The following CHRNA9 variants were observed in gnomAD, a reference collection of about 807,000 sequenced individuals.
CHRNA9 encodes neuronal acetylcholine receptor subunit alpha-9.
A neutral mutation model predicts 36.8 loss-of-function variants in CHRNA9; 24 were observed. That is an observed-to-expected ratio of 0.65 (90% confidence interval 0.47 to 0.92). The LOEUF (loss-of-function observed/expected upper bound fraction) is 0.92, where lower values mean the gene tolerates loss of function less well. Ranked by LOEUF, CHRNA9 falls within the 40% of genes least tolerant of loss-of-function variation. The pLI, the probability that CHRNA9 is intolerant of heterozygous loss-of-function variation, is 0.00. For missense variants in CHRNA9, 610 were observed against 601.2 expected (o/e 1.01, Z -0.15); for synonymous variants, 231 against 231.8 (o/e 1.00, Z 0.03).
At chr4:40,353,659 T>G (rs1352378002) in intron 4 of CHRNA9, among the ~76,000 whole-genome samples, 1 of 152,242 alleles carries the variant, frequency 6.6e-6, no homozygotes, top group African/African-American at 2.4e-5. Flanking sequence ...ATGTCAATTT[T>G]TACTTTATCT....
At chr4:40,346,987 T>A (rs1036674833) in intron 3 of CHRNA9, among the ~76,000 whole-genome samples, 1 of 151,892 alleles carries the variant, frequency 6.6e-6, no homozygotes, top group Non-Finnish European at 1.5e-5. Context: ...ATTTTTGTAT[T>A]TTTTTAGTAG....
At position 40,337,267 on chromosome 4, in the gene CHRNA9, G is replaced by A; in HGVS notation, c.268G>A (p.Ala90Thr). 6.2e-7 allele frequency: 1 copy of A among 1,614,152 alleles called. No homozygotes were observed. Among genetic ancestry groups the A allele is most frequent in the South Asian group, 1.1e-5 (1 of 91,076 alleles). Residue 90 changes from alanine to threonine, a missense_variant, in exon 3 of 5, where the codon GCC (alanine) becomes ACC (threonine). Ala to Thr is a moderately conservative substitution (Grantham distance 58, BLOSUM62 0). Coordinates refer to ENST00000310169, the MANE Select transcript of CHRNA9 (RefSeq NM_017581.4). ...GTGGATCCGCCAAATCTGGCACGAT[G>A]CCTATCTCACGTGGGACCGAGATCA... ...YLWIRQIWHD[A>T]YLTWDRDQYD...
chr4:40,351,398 AC>A (rs1187631784), intron 4 of CHRNA9, among the ~76,000 whole-genome samples: 1 of 151,052 alleles, frequency 6.6e-6, no homozygotes, highest in Non-Finnish European at 1.5e-5. Context: ...CTGGTCTTGA[AC>A]TCCTGGGCTC....
Position 40,335,821 on chromosome 4 carries a change from GA to G in CHRNA9, c.65-5del. The G allele has an allele frequency of 6.2e-7, 1 of 1,611,376 alleles. No individual in the cohort carries two copies. The highest frequency in any genetic ancestry group is 2.2e-5 in the East Asian group (1 of 44,890). On this transcript the variant is annotated splice_region_variant and splice_polypyrimidine_tract_variant and intron_variant, in intron 1 of 4. Transcript: ENST00000310169. ...AATGTTAATCCAGATCCCTCTTGTT[GA>G]GTAGCTGCAGAGACGGCAGATGGAA... is the stretch of plus-strand genomic sequence containing the variant.
chr4:40,340,334 T>G (rs2068873440), intron 3 of CHRNA9, among the ~76,000 whole-genome samples: 3 of 152,342 alleles, frequency 2.0e-5, no homozygotes, highest in African/African-American at 7.2e-5. Flanking sequence ...TCTGCTCCTC[T>G]CTTCTCTTTT....
In CHRNA9 at chr4:40,339,696, C is replaced by T. The variant is rs557752267; in HGVS notation, c.365+2332C>T. On this transcript the variant is annotated intron_variant, in intron 3 of 4. Transcript: ENST00000310169. Reference sequence around the variant, plus strand: ...AAAAAAAAAAAGGCGGGGTCTCACTCCTATCGCCCACGCTAGAGTGCAGTG... The same window carrying T: ...AAAAAAAAAAAGGCGGGGTCTCACTTCTATCGCCCACGCTAGAGTGCAGTG... Among the ~76,000 whole-genome samples the T allele has an allele frequency of 5.0e-4, 75 of 151,336 alleles. 1 individual carries two copies. In the South Asian group the frequency reaches 5.0e-3, roughly 10 times the overall value.
At chr4:40,349,552 T>G (rs1712737406) in intron 4 of CHRNA9, 138 bp downstream of exon 4, 1 of 787,956 alleles carries the variant, frequency 1.3e-6, no homozygotes, top group Non-Finnish European at 2.0e-6. Flanking sequence ...ATTTTTCTGG[T>G]GGTTGCAGTT....
intron 3 of CHRNA9, among the ~76,000 whole-genome samples, chr4:40,344,496 T>C (rs1190627084): frequency 6.6e-6 from 1 of 150,762 alleles, no homozygotes; most frequent in East Asian, 1.9e-4. Flanking sequence ...ATGGCACCAC[T>C]GCACCCCAGC....
At chr4:40,340,973 C>CAAAAAAAAAAAAAAAAAAAAAAAAAAAA (rs543449903) in intron 3 of CHRNA9, among the ~76,000 whole-genome samples, 1 of 64,968 alleles carries the variant, frequency 1.5e-5, no homozygotes, top group African/African-American at 4.4e-5. Flanking sequence ...ATAAGCTCTC[C>CAAAAAAAAAAAAAAAAAAAAAAAAAAAA]AAAAAAAAAA....
At chr4:40,348,353 A>G (rs183888464) in intron 3 of CHRNA9, among the ~76,000 whole-genome samples, 1 of 152,244 alleles carries the variant, frequency 6.6e-6, no homozygotes. Context: ...GCAAAAGAAG[A>G]TATATCTGGA....
At chr4:40,350,709 C>CACACACACACAG (rs1712775674) in intron 4 of CHRNA9, among the ~76,000 whole-genome samples, 1 of 151,300 alleles carries the variant, frequency 6.6e-6, no homozygotes, top group African/African-American at 2.4e-5. Flanking sequence ...CACACACACA[C>CACACACACACAG]ACACACACAC....
At position 40,354,514 on chromosome 4, in the gene CHRNA9, G is replaced by T. The variant is rs771890826; in HGVS notation, c.1434G>T (p.Ala478=). The change falls in exon 5 of 5, where the codon GCG becomes GCT. Residue 478 remains alanine (A), a synonymous_variant. Transcript: ENST00000310169. ...FVMTILIIAR[A]D The stretch of plus-strand genomic sequence containing the variant: ...TGACTATTTTGATCATAGCAAGAGC[G>T]GATTAGTCACAGATATTGGCTTTGC... 1 of 1,604,572 alleles carries T rather than the reference G, an allele frequency of 6.2e-7. No homozygotes were observed. Among genetic ancestry groups the T allele is most frequent in the Non-Finnish European group, 8.5e-7 (1 of 1,172,916 alleles).
At chr4:40,344,411 G>A (rs1245023755) in intron 3 of CHRNA9, among the ~76,000 whole-genome samples, 1 of 152,044 alleles carries the variant, frequency 6.6e-6, no homozygotes, top group Non-Finnish European at 1.5e-5. Context: ...GTGGGAGCCT[G>A]TAATCCCAGC....
rs567536994 is a variant in CHRNA9 at position 40,335,810 on chromosome 4, T to G, written c.65-17T>G. The G allele has an allele frequency of 6.2e-7, 1 of 1,608,174 alleles. No individual in the cohort carries two copies. The highest frequency in any genetic ancestry group is 1.1e-5 in the South Asian group (1 of 90,192). Reference sequence around the variant, plus strand: ...ACAACACTCTGAATGTTAATCCAGATCCCTCTTGTTGAGTAGCTGCAGAGA... The same window carrying G: ...ACAACACTCTGAATGTTAATCCAGAGCCCTCTTGTTGAGTAGCTGCAGAGA... On this transcript the variant is annotated splice_polypyrimidine_tract_variant and intron_variant, in intron 1 of 4. Transcript: ENST00000310169.
chr4:40,337,183 A>G (rs1428665896), intron 2 of CHRNA9, 27 bp from the exon 3 acceptor site: 1 of 1,609,316 alleles, frequency 6.2e-7, no homozygotes, highest in East Asian at 2.2e-5. Context: ...TCTGCTAGGT[A>G]AAGCGACATC....
At position 40,354,094 on chromosome 4, in the gene CHRNA9, G is replaced by A. The variant is rs1712880150; in HGVS notation, c.1014G>A (p.Arg338=). The A allele has an allele frequency of 1.2e-6, 2 of 1,614,170 alleles. No homozygotes were observed. The highest frequency in any genetic ancestry group is 1.7e-6 in the Non-Finnish European group (2 of 1,180,024). Residue 338 remains arginine, a synonymous_variant, in exon 5 of 5, where the codon AGG becomes AGA. Transcript: ENST00000310169. ...AEARPVPHWA[R]VVILKYMSRV... Reference sequence around the variant, plus strand: ...CCCGGCCGGTGCCACACTGGGCCAGGGTGGTCATCCTGAAATACATGTCCA... The same window carrying A: ...CCCGGCCGGTGCCACACTGGGCCAGAGTGGTCATCCTGAAATACATGTCCA...
At chr4:40,353,758 G>A (rs558760715) in intron 4 of CHRNA9, among the ~76,000 whole-genome samples, 1 of 152,284 alleles carries the variant, frequency 6.6e-6, no homozygotes, top group African/African-American at 2.4e-5. Flanking sequence ...TGCTGCACAG[G>A]TTTGTAGCCT....
At chr4:40,337,494 T>A in intron 3 of CHRNA9, 130 bp downstream of exon 3, 2 of 1,021,992 alleles carry the variant, frequency 2.0e-6, no homozygotes, top group Middle Eastern at 2.2e-4. Flanking sequence ...TAGGACTTAC[T>A]GAAATAAGAG....
intron 3 of CHRNA9, among the ~76,000 whole-genome samples, chr4:40,337,795 G>A (rs1712371159): frequency 6.6e-6 from 1 of 152,146 alleles, no homozygotes; most frequent in Admixed American, 6.5e-5. Flanking sequence ...TGGTTTGCTG[G>A]CAGTCTTTGG....
Sources: gnomAD v4.1 joint callset for allele counts (sites outside exome capture counted in the v4.1 genomes callset) on GRCh38, gnomAD v4.1.1 for gene constraint, MANE v1.5 for transcripts, NCBI Gene and HGNC (gene_info 2026-07-23, HGNC 2026-07-21) for gene names.